The following DOCK8 variants were observed in gnomAD, a reference collection of about 807,000 sequenced individuals.
DOCK8 encodes dedicator of cytokinesis protein 8.
In DOCK8, 141 loss-of-function variants were observed where a neutral mutation model predicts 245.6. That is an observed-to-expected ratio of 0.57 (90% confidence interval 0.50 to 0.66). The LOEUF is 0.66. DOCK8 is among the 30% of genes least tolerant of loss of function. DOCK8 has a pLI of 0.00. For missense variants in DOCK8, 2,965 were observed against 2,603.4 expected (o/e 1.14, Z -3.02); for synonymous variants, 1,168 against 970.2 (o/e 1.20, Z -3.79).
intron 9 of DOCK8, among the ~76,000 whole-genome samples, chr9:331,593 T>G (rs982860902): frequency 2.6e-5 from 4 of 152,226 alleles, no homozygotes; most frequent in Non-Finnish European, 4.4e-5. Flanking sequence ...GGTTTTACTC[T>G]TCAACATCTA....
chr9:376,054 C>G (rs1349075688), intron 18 of DOCK8, among the ~76,000 whole-genome samples, 156 bp from the exon 19 acceptor site: 1 of 152,164 alleles, frequency 6.6e-6, no homozygotes, highest in African/African-American at 2.4e-5. Context: ...GAAGTTGAAT[C>G]CAGGGCTCCT....
intron 1 of DOCK8, among the ~76,000 whole-genome samples, chr9:237,940 A>T (rs1317308703): frequency 1.3e-5 from 2 of 152,202 alleles, no homozygotes; most frequent in Non-Finnish European, 2.9e-5. Flanking sequence ...CTGGCAGATG[A>T]CATTCTAAAT....
chr9:250,576 T>G (rs1272524868), intron 1 of DOCK8, among the ~76,000 whole-genome samples: 1 of 152,220 alleles, frequency 6.6e-6, no homozygotes, highest in Non-Finnish European at 1.5e-5. Context: ...AGAAACAGAT[T>G]TGCTTACCCG....
chr9:382,707 G>A (rs367572305), intron 22 of DOCK8, 22 bp downstream of exon 22: 3 of 1,613,826 alleles, frequency 1.9e-6, no homozygotes, highest in Non-Finnish European at 2.5e-6. Context: ...GTCAAACCGT[G>A]GAAGGGGACA....
intron 1 of DOCK8, chr9:268,224 A>G (rs771734043): frequency 3.3e-5 from 5 of 152,214 alleles, no homozygotes; most frequent in Non-Finnish European, 7.4e-5. Flanking sequence ...ATTCGTTTGT[A>G]TTTGACAGTT....
At chr9:399,987 TC>T (rs1267179224) in intron 26 of DOCK8, among the ~76,000 whole-genome samples, 14 of 90,766 alleles carry the variant, frequency 1.5e-4, no homozygotes, top group Admixed American at 4.8e-4. Context: ...CATCACCACC[TC>T]CCACCACCTC....
intron 1 of DOCK8, among the ~76,000 whole-genome samples, chr9:245,427 C>T (rs990186225): frequency 3.9e-5 from 6 of 152,056 alleles, no homozygotes; most frequent in Admixed American, 2.6e-4. Context: ...AGGCTGGTCT[C>T]GAACTCCTGA....
At chr9:229,248 T>A (rs62531261) in intron 1 of DOCK8, among the ~76,000 whole-genome samples, 6,573 of 152,148 alleles carry the variant, frequency 0.043, 189 homozygotes, top group South Asian at 0.069. Flanking sequence ...GAATGTTTAA[T>A]CAGAAGGCCT....
intron 14 of DOCK8, among the ~76,000 whole-genome samples, chr9:346,593 C>T (rs1411265382): frequency 2.0e-5 from 3 of 152,008 alleles, no homozygotes; most frequent in South Asian, 2.1e-4. Flanking sequence ...CTGTGGAGGA[C>T]GGTGCTTGCT....
At chr9:235,075 G>A (rs1329266038) in intron 1 of DOCK8, among the ~76,000 whole-genome samples, 2 of 152,042 alleles carry the variant, frequency 1.3e-5, no homozygotes, top group Admixed American at 1.3e-4. Context: ...ATGGGTTTTT[G>A]GTGTGGATGT....
intron 7 of DOCK8, among the ~76,000 whole-genome samples, chr9:323,218 CTTTTTTT>C (rs1164158230): frequency 1.2e-4 from 8 of 67,242 alleles, no homozygotes; most frequent in Admixed American, 1.0e-3. Flanking sequence ...AATCTACCAT[CTTTTTTT>C]TTTTTTTTTT....
In DOCK8 at chr9:429,793, C is replaced by G. The variant is rs1236844423; in HGVS notation, c.4565C>G (p.Thr1522Ser). The G allele has an allele frequency of 6.2e-7, 1 of 1,614,198 alleles. No individual in the cohort carries two copies. The highest frequency in any genetic ancestry group is 2.2e-5 in the East Asian group (1 of 44,876). Residue 1522 changes from threonine (T) to serine (S), a missense_variant, in exon 36 of 48, where the codon ACC becomes AGC. Physicochemically the swap from Thr to Ser is moderately conservative, Grantham distance 58 (BLOSUM62 1). Coordinates refer to ENST00000432829, the MANE Select transcript of DOCK8 (RefSeq NM_203447.4). Reference protein sequence around the residue: ...LHHCSSSMDVTRSQACATLYL... With the variant: ...LHHCSSSMDVSRSQACATLYL... ...CACTGCAGCAGCAGCATGGATGTCA[C>G]CCGGAGCCAAGCCTGTGCCACCCTT...
chr9:371,174 TTTTTTGTTTTTTG>T (rs2053269197), intron 16 of DOCK8, among the ~76,000 whole-genome samples: 7 of 151,014 alleles, frequency 4.6e-5, no homozygotes, highest in Non-Finnish European at 7.4e-5. Context: ...GGGGGAGTTG[TTTTTTGTTTTTTG>T]TTTTTTGTTT....
At chr9:307,949 CAAG>C (rs2049926238) in intron 5 of DOCK8, among the ~76,000 whole-genome samples, 1 of 152,078 alleles carries the variant, frequency 6.6e-6, no homozygotes, top group African/African-American at 2.4e-5. Flanking sequence ...TGAAATAAGC[CAAG>C]CACAGTAAGA....
At chr9:220,683 C>G in intron 1 of DOCK8, 3 of 391,372 alleles carry the variant, frequency 7.7e-6, no homozygotes, top group Non-Finnish European at 1.5e-5. Flanking sequence ...GAATGTGCTA[C>G]TGCTGTTCCC....
intron 40 of DOCK8, among the ~76,000 whole-genome samples, chr9:439,691 A>G (rs1357864482): frequency 6.6e-6 from 1 of 152,174 alleles, no homozygotes; most frequent in East Asian, 1.9e-4. Context: ...AGCCACAGAG[A>G]GGTGAAATGG....
rs118050260 is a variant in DOCK8, at chr9:385,973, G to A, written c.2779-358G>A. On this transcript the variant is annotated intron_variant, in intron 22 of 47. Coordinates refer to ENST00000432829, the MANE Select transcript of DOCK8 (RefSeq NM_203447.4). ...AATGTATTGGTGTTTAGGAGACAGC[G>A]TGGTGCAGTACCGTACTAAACCACA... 1.6e-4 allele frequency among the ~76,000 whole-genome samples: 25 copies of A among 152,300 alleles called. 1 individual carries two copies. The East Asian group carries it at 2.1e-3, about 13-fold the overall frequency.
chr9:220,609 A>C lies in DOCK8; in HGVS notation c.53+5580A>C, dbSNP rs143390565. ...AGAAAGCTAAGAAACAAAAGCATTT[A>C]GTTTTTTTCAGTGGCAGGTGCTTAT... On this transcript the variant is annotated intron_variant, in intron 1 of 47. Coordinates refer to ENST00000432829, the MANE Select transcript of DOCK8 (RefSeq NM_203447.4). The C allele has an allele frequency of 1.6e-4, 45 of 284,488 alleles. 1 individual carries two copies. Among genetic ancestry groups the C allele is most frequent in the African/African-American group, 1.0e-3 (43 of 42,784 alleles). The allele number at this position is 284,488 out of a possible 1,614,324, so 17.6% of individuals were successfully genotyped here.
At chr9:453,753 G>T (rs967179817) in intron 46 of DOCK8, among the ~76,000 whole-genome samples, 8 of 152,020 alleles carry the variant, frequency 5.3e-5, no homozygotes, top group African/African-American at 1.9e-4. Context: ...GTGGAGACAG[G>T]GTCTCACTAT....
Sources: allele counts gnomAD v4.1 joint callset (sites outside exome capture counted in the v4.1 genomes callset), GRCh38; gene constraint gnomAD v4.1.1; transcripts MANE v1.5; gene names NCBI Gene and HGNC (gene_info 2026-07-23, HGNC 2026-07-21).